CSMD1: variants seen among roughly 807,000 people sequenced by gnomAD.
CSMD1 encodes CUB and sushi domain-containing protein 1.
CSMD1 carries 213 observed loss-of-function variants against 417.5 expected under a neutral mutation model. That is an observed-to-expected ratio of 0.51 (90% CI 0.46 to 0.57). CSMD1 has a LOEUF of 0.57. Among genes scored for constraint, CSMD1 ranks in the 20% least tolerant of loss-of-function variants. The pLI is 0.00. For synonymous variants in CSMD1, 2,862 were observed against 1,736.8 expected, an observed-to-expected ratio of 1.65 and a Z score of -16.11; for missense variants, 6,923 against 4,529.7, an observed-to-expected ratio of 1.53 and a Z score of -15.17.
At chr8:3,933,879 C>T (rs1008897258) in intron 5 of CSMD1, among the ~76,000 whole-genome samples, 1 of 152,032 alleles carries the variant, frequency 6.6e-6, no homozygotes, top group South Asian at 2.1e-4. Flanking sequence ...TTTAACAAAG[C>T]TTTATTTACT....
At chr8:3,860,951 T>C (rs1186739209) in intron 5 of CSMD1, among the ~76,000 whole-genome samples, 2 of 152,220 alleles carry the variant, frequency 1.3e-5, no homozygotes, top group African/African-American at 4.8e-5. Context: ...CTAGTTGATA[T>C]ACTTCATGCA....
chr8:3,728,841 C>T (rs1802647818), intron 6 of CSMD1, among the ~76,000 whole-genome samples: 1 of 152,160 alleles, frequency 6.6e-6, no homozygotes, highest in African/African-American at 2.4e-5. Context: ...AACATTAGTT[C>T]TTTTACTGAA....
chr8:3,415,721 T>C (rs1025042726), intron 12 of CSMD1, among the ~76,000 whole-genome samples: 8 of 152,206 alleles, frequency 5.3e-5, no homozygotes. Context: ...AGATTTTATA[T>C]ATTCTGGAGA....
chr8:4,297,116 A>C (rs1476890054), intron 3 of CSMD1, among the ~76,000 whole-genome samples: 4 of 152,156 alleles, frequency 2.6e-5, no homozygotes, highest in Non-Finnish European at 4.4e-5. Context: ...TAGGTGTAAT[A>C]CGTTTTAATC....
intron 26 of CSMD1, among the ~76,000 whole-genome samples, chr8:3,267,552 C>T (rs1184481390): frequency 6.6e-6 from 1 of 152,094 alleles, no homozygotes; most frequent in Non-Finnish European, 1.5e-5. Flanking sequence ...GGCCAGGGAG[C>T]TTCCAGCACA....
intron 1 of CSMD1, among the ~76,000 whole-genome samples, chr8:4,742,379 G>A (rs553674464): frequency 6.6e-6 from 1 of 152,034 alleles, no homozygotes; most frequent in East Asian, 1.9e-4. Context: ...TGTATCATGA[G>A]AAATTTAAGA....
At chr8:3,086,982 A>T (rs1386361731) in intron 49 of CSMD1, 115 bp downstream of exon 49, 1 of 967,102 alleles carries the variant, frequency 1.0e-6, no homozygotes, top group East Asian at 2.6e-5. Flanking sequence ...ATAAGCCAAC[A>T]TTCAATTTTT....
intron 6 of CSMD1, among the ~76,000 whole-genome samples, chr8:3,746,880 G>A (rs1469821046): frequency 6.6e-6 from 1 of 152,160 alleles, no homozygotes. Flanking sequence ...TCATCACATG[G>A]CCAGCCCAAG....
intron 5 of CSMD1, among the ~76,000 whole-genome samples, chr8:3,768,802 G>C (rs952237258): frequency 1.3e-5 from 2 of 152,174 alleles, no homozygotes; most frequent in Non-Finnish European, 2.9e-5. Flanking sequence ...AGTTTTGCTG[G>C]TAACTTGCTA....
rs187545192 is a variant in CSMD1 at position 3,271,230 on chromosome 8, C to A, written c.4153+12914G>T. Among the ~76,000 whole-genome samples, 9 of 152,146 alleles carry A rather than the reference C, an allele frequency of 5.9e-5. No homozygotes were observed. The East Asian group carries it at 1.5e-3, about 26-fold the overall frequency. On this transcript the variant is annotated intron_variant, in intron 26 of 69. Transcript: ENST00000635120. ...TACTGAGAATGATGATTTCCAATTT[C>A]TTCCATGTCCCTACAAAGCACATGA...
intron 7 of CSMD1, among the ~76,000 whole-genome samples, chr8:3,669,130 C>G (rs915658612): frequency 6.6e-6 from 1 of 152,168 alleles, no homozygotes; most frequent in African/African-American, 2.4e-5. Flanking sequence ...AATTATCCCT[C>G]AAGGGCAGAA....
intron 1 of CSMD1, among the ~76,000 whole-genome samples, chr8:4,837,036 T>C (rs1019855347): frequency 6.7e-6 from 1 of 149,548 alleles, no homozygotes; most frequent in Admixed American, 6.6e-5. Flanking sequence ...TTGTTGTTGT[T>C]GTTAAGAGAC....
At chr8:4,467,810 G>A (rs1340868047) in intron 2 of CSMD1, among the ~76,000 whole-genome samples, 1 of 152,252 alleles carries the variant, frequency 6.6e-6, no homozygotes, top group East Asian at 1.9e-4. Context: ...AAGAACTAGT[G>A]AAATAATTGG....
At chr8:3,086,984 T>A in intron 49 of CSMD1, 113 bp downstream of exon 49, 1 of 983,534 alleles carries the variant, frequency 1.0e-6, no homozygotes, top group Non-Finnish European at 1.5e-6. Context: ...AAGCCAACAT[T>A]CAATTTTTCC....
chr8:3,489,003 G>A (rs1447814778), intron 11 of CSMD1, among the ~76,000 whole-genome samples: 1 of 151,938 alleles, frequency 6.6e-6, no homozygotes, highest in Non-Finnish European at 1.5e-5. Flanking sequence ...TTTCCCCCAA[G>A]GCACTACATG....
At chr8:4,322,108 A>C (rs1799303218) in intron 3 of CSMD1, among the ~76,000 whole-genome samples, 1 of 152,198 alleles carries the variant, frequency 6.6e-6, no homozygotes. Context: ...ATAAATACTT[A>C]ATATAAAATA....
intron 49 of CSMD1, among the ~76,000 whole-genome samples, chr8:3,086,208 A>G (rs1236648379): frequency 6.6e-6 from 1 of 152,210 alleles, no homozygotes; most frequent in African/African-American, 2.4e-5. Context: ...AAAAATTATC[A>G]TTCTAATCAT....
chr8:4,509,426 A>G (rs1802701594), intron 2 of CSMD1, among the ~76,000 whole-genome samples: 1 of 152,182 alleles, frequency 6.6e-6, no homozygotes, highest in African/African-American at 2.4e-5. Flanking sequence ...AAATGTAAAG[A>G]ATTAATTAAA....
chr8:4,254,722 G>C (rs1001345657), intron 3 of CSMD1, among the ~76,000 whole-genome samples: 2 of 152,040 alleles, frequency 1.3e-5, no homozygotes, highest in African/African-American at 2.4e-5. Flanking sequence ...TGTAGGTATG[G>C]TTATGTATCT....
Sources: allele counts gnomAD v4.1 joint callset (sites outside exome capture counted in the v4.1 genomes callset), GRCh38; gene constraint gnomAD v4.1.1; transcripts MANE v1.5; gene names NCBI Gene and HGNC (gene_info 2026-07-23, HGNC 2026-07-21).